The following SBDS variants were observed in gnomAD, a reference collection of about 807,000 sequenced individuals.
SBDS encodes the protein SBDS ribosome maturation factor.
Under a neutral mutation model 26.4 loss-of-function variants are expected in SBDS, and 20 were observed. The observed-to-expected ratio is 0.76, with a 90% CI of 0.53 to 1.10. SBDS has a LOEUF of 1.10. Among genes scored for constraint, SBDS ranks in the 50% least tolerant of loss-of-function variants. SBDS has a pLI of 0.00. For missense variants in SBDS, 241 were observed against 302.0 expected (o/e 0.80, Z 1.50); for synonymous variants, 95 against 105.1 (o/e 0.90, Z 0.59).
At chr7:66,991,667 T>C (rs1792977096) in intron 3 of SBDS, among the ~76,000 whole-genome samples, 1 of 140,648 alleles carries the variant, frequency 7.1e-6, no homozygotes, top group Non-Finnish European at 1.5e-5. Flanking sequence ...GGTGTGGTAG[T>C]GCACGCCTGT....
chr7:66,989,059 T>C (rs563368813), intron 4 of SBDS, among the ~76,000 whole-genome samples: 2 of 151,918 alleles, frequency 1.3e-5, no homozygotes, highest in South Asian at 2.1e-4. Flanking sequence ...TTAGTAGAGA[T>C]AGGGTTTCAC....
intron 3 of SBDS, among the ~76,000 whole-genome samples, chr7:66,991,593 C>T (rs1433113313): frequency 6.6e-6 from 1 of 152,124 alleles, no homozygotes; most frequent in Admixed American, 6.6e-5. Flanking sequence ...GAATTCGAGA[C>T]CAGCCTGGCC....
rs914626859 is a variant in SBDS, at chr7:66,988,072, A to C, written c.*299T>G. Reference sequence around the variant, plus strand: ...ACTTTTCACCCACAAGAGCTGCCTCAAGTAACTTTCATTTTGGAAAGCTAT... The same window carrying C: ...ACTTTTCACCCACAAGAGCTGCCTCCAGTAACTTTCATTTTGGAAAGCTAT... On this transcript the variant is annotated 3_prime_UTR_variant, in exon 5 of 5. Transcript: ENST00000246868. 1 of 432,320 alleles carries C rather than the reference A, an allele frequency of 2.3e-6. No individual in the cohort carries two copies. Among genetic ancestry groups the C allele is most frequent in the African/African-American group, 2.0e-5 (1 of 50,756 alleles). 26.8% of individuals were successfully genotyped at this position (432,320 alleles called of 1,614,324 possible).
intron 2 of SBDS, among the ~76,000 whole-genome samples, 164 bp downstream of exon 2, chr7:66,994,048 A>T (rs1487406582): frequency 2.0e-5 from 3 of 151,586 alleles, no homozygotes; most frequent in African/African-American, 2.4e-5. Flanking sequence ...ACCACAAAAA[A>T]CAAACAAAAC....
At chr7:66,991,784 T>C (rs1292818124) in intron 3 of SBDS, among the ~76,000 whole-genome samples, 1 of 152,014 alleles carries the variant, frequency 6.6e-6, no homozygotes, top group Admixed American at 6.6e-5. Context: ...AACAGAGATT[T>C]CTCAAAAGAA....
In SBDS at chr7:66,993,226, T is replaced by G; in HGVS notation, c.450A>C (p.Thr150=). ...IHYSVKTNKS[T]KQQALEVIKQ... ...ATGAGAAACCACTCACCTGCTGTTT[T>G]GTACTCTTGTTGGTTTTCACCGAAT... The change falls in exon 3 of 5, where the codon ACA becomes ACC. Residue 150 remains threonine (T), a synonymous_variant. Coordinates refer to ENST00000246868, the MANE Select transcript of SBDS (RefSeq NM_016038.4). The G allele has an allele frequency of 6.2e-7, 1 of 1,613,984 alleles. No individual in the cohort carries two copies. The highest frequency in any genetic ancestry group is 1.1e-5 in the South Asian group (1 of 91,078).
chr7:66,995,184 G>A (rs950141869), intron 1 of SBDS, 106 bp downstream of exon 1: 20 of 1,514,626 alleles, frequency 1.3e-5, no homozygotes, highest in Admixed American at 1.2e-4. Context: ...TTTCCTCCCC[G>A]GCCAACACCC....
At chr7:66,993,736 G>T (rs1409952088) in intron 2 of SBDS, among the ~76,000 whole-genome samples, 4 of 152,000 alleles carry the variant, frequency 2.6e-5, no homozygotes, top group East Asian at 1.9e-4. Flanking sequence ...TAGCCAGGCA[G>T]GGTGGTGGGC....
At chr7:66,995,118 G>A in intron 1 of SBDS, 172 bp downstream of exon 1, 1 of 878,550 alleles carries the variant, frequency 1.1e-6, no homozygotes, top group South Asian at 1.6e-5. Context: ...AGAAACCCTT[G>A]GCTTAGGCGC....
chr7:66,994,791 T>C (rs1793061752), intron 1 of SBDS, among the ~76,000 whole-genome samples: 4 of 152,176 alleles, frequency 2.6e-5, no homozygotes, highest in African/African-American at 9.7e-5. Context: ...GCCTTACCAT[T>C]TGCTCACTGG....
In SBDS at chr7:66,991,183, A is replaced by G. The variant is rs1195681400; in HGVS notation, c.578T>C (p.Leu193Pro). The G allele has an allele frequency of 6.2e-7, 1 of 1,614,122 alleles. No individual in the cohort carries two copies. Among genetic ancestry groups the G allele is most frequent in the Non-Finnish European group, 8.5e-7 (1 of 1,180,016 alleles). Residue 193 changes from leucine to proline, a missense_variant, in exon 4 of 5, where the codon CTG (leucine) becomes CCG (proline). By Grantham distance (98) the Leu-to-Pro change is moderately conservative (BLOSUM62 -3). Transcript: ENST00000246868. The stretch of plus-strand genomic sequence containing the variant: ...ATCTTCACTTTCTATGACCTTGATC[A>G]GTGGCTTGAGCTTTTCTTTCAGCTT... ...GKKLKEKLKP[L>P]IKVIESEDYG...
chr7:66,993,299 C>G lies in SBDS; in HGVS notation c.377G>C (p.Arg126Thr), dbSNP rs113993995. 6.2e-7 allele frequency: 1 copy of G among 1,613,980 alleles called. No individual in the cohort carries two copies. Among genetic ancestry groups the G allele is most frequent in the Non-Finnish European group, 8.5e-7 (1 of 1,180,006 alleles). ...CTCAATAAGGATCACGGTGTATGGTCTCTTTGTTTCAGGATTCACACATTT... is the reference window on the plus strand; with the variant it reads ...CTCAATAAGGATCACGGTGTATGGTGTCTTTGTTTCAGGATTCACACATTT... Reference protein sequence around the residue: ...ADKCVNPETKRPYTVILIERA... With the variant: ...ADKCVNPETKTPYTVILIERA... The change falls in exon 3 of 5, where the codon AGA becomes ACA. Residue 126 changes from arginine (R) to threonine (T), a missense_variant. Transcript: ENST00000246868.
At chr7:66,995,268 C>A (rs1357449015) in intron 1 of SBDS, 22 bp downstream of exon 1, 2 of 1,613,148 alleles carry the variant, frequency 1.2e-6, no homozygotes, top group African/African-American at 2.7e-5. Flanking sequence ...CAGGCCCAGG[C>A]CCGAGGGAGG....
chr7:66,990,163 G>C (rs1454625555), intron 4 of SBDS, among the ~76,000 whole-genome samples: 3 of 152,114 alleles, frequency 2.0e-5, no homozygotes, highest in Non-Finnish European at 2.9e-5. Context: ...GGGATTACAG[G>C]CATGTGCCAC....
intron 2 of SBDS, among the ~76,000 whole-genome samples, chr7:66,993,798 C>T (rs1793026341): frequency 6.6e-6 from 1 of 151,784 alleles, no homozygotes; most frequent in South Asian, 2.1e-4. Context: ...CGCTTGAATC[C>T]AGGAGGCAGA....
intron 1 of SBDS, 148 bp downstream of exon 1, chr7:66,995,142 C>A (rs1793072078): frequency 7.2e-6 from 8 of 1,111,230 alleles, no homozygotes; most frequent in Admixed American, 4.2e-5. Flanking sequence ...GCTCGGACAG[C>A]GACGTCTCAT....
At chr7:66,993,181 C>A in intron 3 of SBDS, 36 bp downstream of exon 3, 1 of 1,567,116 alleles carries the variant, frequency 6.4e-7, no homozygotes, top group South Asian at 1.1e-5. Flanking sequence ...AACTGATTTC[C>A]ATGGCTATAT....
At chr7:66,990,880 G>A (rs796424450) in intron 4 of SBDS, among the ~76,000 whole-genome samples, 2 of 152,216 alleles carry the variant, frequency 1.3e-5, no homozygotes, top group African/African-American at 4.8e-5. Context: ...AGCCAGGCTT[G>A]GTGGCGGGTG....
rs62466588 is a variant in SBDS, at chr7:66,993,916, T to C, written c.258+296A>G. Among the ~76,000 whole-genome samples, 5,612 of 151,412 alleles carry C rather than the reference T, an allele frequency of 0.037. 167 individuals are homozygous for C. The highest frequency in any genetic ancestry group is 0.09 in the Middle Eastern group (26 of 290). On this transcript the variant is annotated intron_variant, in intron 2 of 4. Coordinates refer to ENST00000246868, the MANE Select transcript of SBDS (RefSeq NM_016038.4). ...AAAAAGGATCTGAAAGATGAAATAC[T>C]TGAAAACAAATTCAGTTTTCAGGTA...
Sources: allele counts gnomAD v4.1 joint callset (sites outside exome capture counted in the v4.1 genomes callset), GRCh38; gene constraint gnomAD v4.1.1; transcripts MANE v1.5; gene names NCBI Gene and HGNC (gene_info 2026-07-23, HGNC 2026-07-21).